Variants in PTPRD observed in about 807,000 individuals in gnomAD.
The protein encoded by PTPRD is receptor-type tyrosine-protein phosphatase delta.
Under a neutral mutation model 214.5 loss-of-function variants are expected in PTPRD, and 34 were observed. That is an observed-to-expected ratio of 0.16 (90% CI 0.12 to 0.21). The LOEUF is 0.21. Among genes scored for constraint, PTPRD ranks in the 10% least tolerant of loss-of-function variants. The probability of loss-of-function intolerance (pLI) is 1.00; values close to 1 mark genes in which losing one functional copy is unlikely to be tolerated. For synonymous variants in PTPRD, 1,128 were observed against 845.7 expected (o/e 1.33, Z -5.79); for missense variants, 2,545 against 2,398.7 (o/e 1.06, Z -1.27).
chr9:8,943,962 C>T (rs2099048905), intron 11 of PTPRD, among the ~76,000 whole-genome samples: 1 of 151,624 alleles, frequency 6.6e-6, no homozygotes, highest in Non-Finnish European at 1.5e-5. Context: ...AATGAAGAGA[C>T]AACACATGGA....
At chr9:10,019,692 C>A (rs1391973528) in intron 4 of PTPRD, among the ~76,000 whole-genome samples, 1 of 151,942 alleles carries the variant, frequency 6.6e-6, no homozygotes, top group African/African-American at 2.4e-5. Context: ...AAACTAAACA[C>A]CGCATGTTCT....
chr9:8,444,306 G>A (rs1490102830), intron 34 of PTPRD, among the ~76,000 whole-genome samples: 1 of 151,928 alleles, frequency 6.6e-6, no homozygotes, highest in Non-Finnish European at 1.5e-5. Context: ...ACACTCACTT[G>A]AAAAAAGTCC....
chr9:9,678,758 A>G (rs540489280), intron 7 of PTPRD, among the ~76,000 whole-genome samples: 1 of 152,016 alleles, frequency 6.6e-6, no homozygotes, highest in Non-Finnish European at 1.5e-5. Context: ...AAACTTTAAG[A>G]CAACTGTATG....
intron 9 of PTPRD, among the ~76,000 whole-genome samples, chr9:9,217,794 T>A (rs1317737470): frequency 6.6e-6 from 1 of 152,128 alleles, no homozygotes; most frequent in Non-Finnish European, 1.5e-5. Flanking sequence ...CATTCCAAAT[T>A]CCTCTTTGCA....
intron 35 of PTPRD, among the ~76,000 whole-genome samples, chr9:8,424,709 G>C (rs2094553700): frequency 1.3e-5 from 2 of 152,062 alleles, no homozygotes; most frequent in African/African-American, 4.8e-5. Flanking sequence ...GAAAGAGGAA[G>C]AGAAGGGGAA....
At chr9:10,111,331 T>TG (rs1383805662) in intron 3 of PTPRD, among the ~76,000 whole-genome samples, 1 of 130,372 alleles carries the variant, frequency 7.7e-6, no homozygotes, top group Non-Finnish European at 1.6e-5. Flanking sequence ...CTCCGCCTCC[T>TG]GGGTTCATGC....
Position 8,485,919 on chromosome 9 carries a change from G to C in PTPRD, c.2898C>G (p.Leu966=), listed in dbSNP as rs139430058. 3.2e-5 allele frequency: 51 copies of C among 1,614,096 alleles called. No homozygotes were observed. In the African/African-American group the frequency reaches 6.4e-4, roughly 20 times the overall value. The stretch of plus-strand genomic sequence containing the variant: ...CTGGAACAATAAGCTGCTCCATCGG[G>C]AGAAGGGGGATGTTGATATCCCTAT... ...LLYRDINIPL[L]PMEQLIVPAD... The change falls in exon 28 of 46, where the codon CTC becomes CTG. Residue 966 remains leucine, a synonymous_variant. Transcript: ENST00000381196.
chr9:9,333,921 A>C (rs1451625269), intron 9 of PTPRD, among the ~76,000 whole-genome samples: 1 of 151,952 alleles, frequency 6.6e-6, no homozygotes, highest in African/African-American at 2.4e-5. Flanking sequence ...GATGGAATAG[A>C]ATATTTCATA....
chr9:9,961,950 C>T (rs2094394273), intron 4 of PTPRD, among the ~76,000 whole-genome samples: 2 of 151,950 alleles, frequency 1.3e-5, no homozygotes, highest in South Asian at 2.1e-4. Flanking sequence ...GACCCATCAA[C>T]ATATACAATT....
chr9:9,606,279 A>T (rs1253537922), intron 7 of PTPRD, among the ~76,000 whole-genome samples: 5 of 152,062 alleles, frequency 3.3e-5, no homozygotes, highest in African/African-American at 1.2e-4. Flanking sequence ...CCCTGGAGCT[A>T]TTTCCTGAAT....
At chr9:9,149,006 G>A (rs2099873273) in intron 10 of PTPRD, among the ~76,000 whole-genome samples, 1 of 152,180 alleles carries the variant, frequency 6.6e-6, no homozygotes, top group South Asian at 2.1e-4. Context: ...GTTTTCCAAA[G>A]AGCATTGTAA....
chr9:10,130,043 T>G (rs1435247845), intron 3 of PTPRD, among the ~76,000 whole-genome samples: 1 of 148,336 alleles, frequency 6.7e-6, no homozygotes, highest in Non-Finnish European at 1.5e-5. Flanking sequence ...AAGTATAGTT[T>G]GATTTGTTTT....
At chr9:9,524,018 T>A (rs954328902) in intron 8 of PTPRD, among the ~76,000 whole-genome samples, 5 of 152,130 alleles carry the variant, frequency 3.3e-5, no homozygotes, top group African/African-American at 1.2e-4. Flanking sequence ...ATGGACAAAT[T>A]CGCCCAGGGC....
intron 3 of PTPRD, among the ~76,000 whole-genome samples, chr9:10,224,412 G>A (rs905107995): frequency 1.3e-5 from 2 of 151,872 alleles, no homozygotes; most frequent in Non-Finnish European, 2.9e-5. Flanking sequence ...ACAATGTGCA[G>A]GTTAGTTACA....
At chr9:8,761,803 C>G (rs2154476804) in intron 11 of PTPRD, among the ~76,000 whole-genome samples, 1 of 152,182 alleles carries the variant, frequency 6.6e-6, no homozygotes, top group Non-Finnish European at 1.5e-5. Flanking sequence ...TTAAAGGTCA[C>G]TAAATTCTGC....
intron 5 of PTPRD, among the ~76,000 whole-genome samples, chr9:9,777,646 A>G (rs1423392313): frequency 6.6e-6 from 1 of 152,186 alleles, no homozygotes; most frequent in Non-Finnish European, 1.5e-5. Flanking sequence ...CCAGTGAGCC[A>G]TCATCACATC....
At chr9:9,837,399 G>T (rs1241804888) in intron 5 of PTPRD, among the ~76,000 whole-genome samples, 3 of 152,058 alleles carry the variant, frequency 2.0e-5, no homozygotes, top group Non-Finnish European at 4.4e-5. Context: ...AGAACCAATT[G>T]CATTTTAGTC....
rs574113423 is a variant in PTPRD at position 9,039,905 on chromosome 9, AC to A, written c.-142-21171del. ...GGCTGACCTGTTGACTGTGGTGCCT[AC>A]CCCCAATGTATTGTCACCTGGGCCT... On this transcript the variant is annotated intron_variant, in intron 10 of 45. Coordinates refer to ENST00000381196, the MANE Select transcript of PTPRD (RefSeq NM_002839.4). 3.8e-3 allele frequency among the ~76,000 whole-genome samples: 569 copies of A among 151,416 alleles called. 2 individuals carry two copies. The highest frequency in any genetic ancestry group is 0.013 in the African/African-American group (530 of 41,204).
chr9:9,986,444 T>C (rs1410151066), intron 4 of PTPRD, among the ~76,000 whole-genome samples: 3 of 152,238 alleles, frequency 2.0e-5, no homozygotes, highest in South Asian at 2.1e-4. Flanking sequence ...TGATATGACA[T>C]GTGATTAAGA....
Sources: gnomAD v4.1 joint callset for allele counts (sites outside exome capture counted in the v4.1 genomes callset) on GRCh38, gnomAD v4.1.1 for gene constraint, MANE v1.5 for transcripts, NCBI Gene and HGNC (gene_info 2026-07-23, HGNC 2026-07-21) for gene names.